Variants in ARHGAP19 observed in about 807,000 individuals in gnomAD.
ARHGAP19 encodes the protein Rho GTPase activating protein 19.
Under a neutral mutation model 60.9 loss-of-function variants are expected in ARHGAP19, and 48 were observed. The ratio of observed to expected loss-of-function variants is 0.79; its 90% CI spans 0.62 to 1.00. The LOEUF is 1.00. Among genes scored for constraint, ARHGAP19 ranks in the 50% least tolerant of loss-of-function variants. The pLI, the probability that ARHGAP19 is intolerant of heterozygous loss-of-function variation, is 0.00. For synonymous variants in ARHGAP19, 209 were observed against 215.5 expected (o/e 0.97, Z 0.27); for missense variants, 562 against 597.2 (o/e 0.94, Z 0.61).
intron 8 of ARHGAP19, among the ~76,000 whole-genome samples, chr10:97,242,790 A>T (rs1221283110): frequency 1.3e-5 from 2 of 152,138 alleles, no homozygotes; most frequent in African/African-American, 4.8e-5. Context: ...CTGGGATTAC[A>T]GGCGTGAGCC....
chr10:97,268,968 T>C (rs940303231), intron 1 of ARHGAP19, among the ~76,000 whole-genome samples: 3 of 152,248 alleles, frequency 2.0e-5, no homozygotes, highest in African/African-American at 7.2e-5. Flanking sequence ...TCATCTATTA[T>C]ATAACCAACA....
At chr10:97,292,535 C>T in intron 1 of ARHGAP19, 37 bp downstream of exon 1, 1 of 1,613,858 alleles carries the variant, frequency 6.2e-7, no homozygotes, top group Non-Finnish European at 8.5e-7. Flanking sequence ...CAGCCCAAGG[C>T]CGCGTTTCCC....
At chr10:97,270,618 A>G in intron 1 of ARHGAP19, 1 of 1,548,990 alleles carries the variant, frequency 6.5e-7, no homozygotes, top group African/African-American at 1.4e-5. Context: ...AAGTGCTGAA[A>G]GTTTCTGATG....
intron 4 of ARHGAP19, among the ~76,000 whole-genome samples, chr10:97,262,467 C>G (rs566565273): frequency 2.6e-5 from 4 of 151,878 alleles, no homozygotes; most frequent in Non-Finnish European, 5.9e-5. Context: ...AAGTTCGAGA[C>G]CAGCCTGGCC....
intron 1 of ARHGAP19, among the ~76,000 whole-genome samples, chr10:97,269,069 C>T (rs1842932375): frequency 6.6e-6 from 1 of 152,128 alleles, no homozygotes; most frequent in Non-Finnish European, 1.5e-5. Context: ...AACATACCCA[C>T]AGTAAAAGCA....
At chr10:97,255,316 C>T (rs182465369) in intron 6 of ARHGAP19, among the ~76,000 whole-genome samples, 13 of 152,286 alleles carry the variant, frequency 8.5e-5, no homozygotes, top group Admixed American at 3.3e-4. Flanking sequence ...AATTGGCACA[C>T]GCCTGTAATC....
intron 8 of ARHGAP19, among the ~76,000 whole-genome samples, chr10:97,241,933 C>T (rs1023418462): frequency 1.9e-4 from 29 of 151,342 alleles, no homozygotes; most frequent in African/African-American, 7.0e-4. Context: ...TGGCGTGAAC[C>T]CAGGAGGCGG....
At chr10:97,269,259 C>T (rs944159005) in intron 1 of ARHGAP19, among the ~76,000 whole-genome samples, 2 of 152,198 alleles carry the variant, frequency 1.3e-5, no homozygotes, top group African/African-American at 2.4e-5. Context: ...AAATTCGTCT[C>T]TATTTCCTTG....
At chr10:97,242,614 G>A (rs1010607746) in intron 8 of ARHGAP19, among the ~76,000 whole-genome samples, 1 of 152,118 alleles carries the variant, frequency 6.6e-6, no homozygotes, top group African/African-American at 2.4e-5. Context: ...CTGGGTTCAA[G>A]CAATTCTCCT....
intron 6 of ARHGAP19, among the ~76,000 whole-genome samples, chr10:97,251,375 AT>A (rs1280072676): frequency 1.3e-4 from 1 of 7,802 alleles, no homozygotes; most frequent in African/African-American, 5.2e-4. Flanking sequence ...AGGAAGGGGA[AT>A]GGAAGGGAAG....
Position 97,266,070 on chromosome 10 carries a change from T to C in ARHGAP19, c.112A>G (p.Ile38Val). ...ACAAAAAAGTCAGGATTAAAGATAA[T>C]GGGCTGACCTCGAAGGGAAGAATCA... Reference protein sequence around the residue: ...CNDSSLRGQPIIFNPDFFVEK... With the variant: ...CNDSSLRGQPVIFNPDFFVEK... The change falls in exon 2 of 12, where the codon ATT becomes GTT. Residue 38 changes from isoleucine to valine, a missense_variant. Physicochemically the swap from Ile to Val is conservative, Grantham distance 29. Coordinates refer to ENST00000358531, the MANE Select transcript of ARHGAP19 (RefSeq NM_032900.6). 7 of 1,614,186 alleles carry C rather than the reference T, an allele frequency of 4.3e-6. No homozygotes were observed. Among genetic ancestry groups the C allele is most frequent in the Non-Finnish European group, 5.9e-6 (7 of 1,180,036 alleles).
chr10:97,247,207 AG>A (rs1161523420), intron 6 of ARHGAP19, among the ~76,000 whole-genome samples: 2 of 151,992 alleles, frequency 1.3e-5, no homozygotes, highest in Non-Finnish European at 2.9e-5. Flanking sequence ...GCTACTCAGA[AG>A]GCTAAGGGGG....
chr10:97,230,692 G>GA (rs980542247), intron 9 of ARHGAP19, among the ~76,000 whole-genome samples: 1 of 152,100 alleles, frequency 6.6e-6, no homozygotes, highest in Non-Finnish European at 1.5e-5. Flanking sequence ...AGTTCTGGAG[G>GA]AAAAAACTCT....
At chr10:97,236,111 G>A (rs1842374589) in intron 8 of ARHGAP19, among the ~76,000 whole-genome samples, 1 of 152,066 alleles carries the variant, frequency 6.6e-6, no homozygotes, top group African/African-American at 2.4e-5. Context: ...GAGTAGCTGG[G>A]ATTACAGGCG....
chr10:97,278,003 G>A (rs1471364922), intron 1 of ARHGAP19: 2 of 152,260 alleles, frequency 1.3e-5, no homozygotes, highest in Non-Finnish European at 2.9e-5. Flanking sequence ...ACTACATCAG[G>A]TACAATAAAT....
At position 97,224,442 on chromosome 10, in the gene ARHGAP19, T is replaced by C. The variant is rs1850859405; in HGVS notation, c.*1680A>G. The C allele has an allele frequency of 1.3e-5, 2 of 152,216 alleles. No individual in the cohort carries two copies. Among genetic ancestry groups the C allele is most frequent in the African/African-American group, 2.4e-5 (1 of 41,456 alleles). The allele number at this position is 152,216 out of a possible 1,614,324, so 9.4% of individuals were successfully genotyped here. On this transcript the variant is annotated 3_prime_UTR_variant, in exon 12 of 12. Coordinates refer to ENST00000358531, the MANE Select transcript of ARHGAP19 (RefSeq NM_032900.6). ...CTAGAGAAAGGGGCTTCTAAGCAGTTTTGTTTTCCTAACCATCTATTGTTC... is the reference window on the plus strand; with the variant it reads ...CTAGAGAAAGGGGCTTCTAAGCAGTCTTGTTTTCCTAACCATCTATTGTTC...
intron 1 of ARHGAP19, among the ~76,000 whole-genome samples, chr10:97,272,882 C>T (rs574612259): frequency 6.6e-6 from 1 of 150,570 alleles, no homozygotes; most frequent in Admixed American, 6.6e-5. Context: ...GCTCTGTCGC[C>T]CAGGCTGGAG....
chr10:97,256,802 C>A (rs1312051600), intron 5 of ARHGAP19, among the ~76,000 whole-genome samples: 1 of 152,146 alleles, frequency 6.6e-6, no homozygotes, highest in East Asian at 1.9e-4. Flanking sequence ...ACTACTGATA[C>A]CAAAGGTGAC....
intron 1 of ARHGAP19, among the ~76,000 whole-genome samples, chr10:97,288,017 G>GT (rs1455544177): frequency 1.3e-5 from 2 of 152,106 alleles, no homozygotes; most frequent in African/African-American, 4.8e-5. Context: ...AGCCAAGATC[G>GT]TGCCATTGCA....
Sources: gnomAD v4.1 joint callset for allele counts (sites outside exome capture counted in the v4.1 genomes callset) on GRCh38, gnomAD v4.1.1 for gene constraint, MANE v1.5 for transcripts, NCBI Gene and HGNC (gene_info 2026-07-23, HGNC 2026-07-21) for gene names.